Variants in MICU3 observed in about 807,000 individuals in gnomAD.
MICU3 encodes mitochondrial calcium uptake 3.
MICU3 carries 62 observed loss-of-function variants against 66.5 expected under a neutral mutation model. The ratio of observed to expected loss-of-function variants is 0.93; its 90% CI spans 0.76 to 1.15. MICU3 has a LOEUF of 1.15. Among genes scored for constraint, MICU3 ranks in the 50% most tolerant of loss-of-function variants. MICU3 has a pLI of 0.00. For missense variants in MICU3, 779 were observed against 664.4 expected (o/e 1.17, Z -1.90); for synonymous variants, 308 against 240.7 (o/e 1.28, Z -2.59).
intron 1 of MICU3, among the ~76,000 whole-genome samples, chr8:17,033,055 C>A (rs1282147839): frequency 6.6e-6 from 1 of 152,156 alleles, no homozygotes; most frequent in African/African-American, 2.4e-5. Context: ...TCTCGGGCCT[C>A]CCTGTTCCCT....
In MICU3 at chr8:17,119,358, C is replaced by T. The variant is rs773725094; in HGVS notation, c.*583C>T. 9.2e-5 allele frequency among the ~76,000 whole-genome samples: 14 copies of T among 152,016 alleles called. No individual in the cohort carries two copies. The South Asian group carries it at 1.2e-3, about 14-fold the overall frequency. On this transcript the variant is annotated intron_variant, in intron 14 of 14. Transcript: ENST00000318063. ...GTCAAACTTGTTTCTAATCTCCAAGCGAGGAGTTTGTTTTTTTCTTTTTTC... is the reference window on the plus strand; with the variant it reads ...GTCAAACTTGTTTCTAATCTCCAAGTGAGGAGTTTGTTTTTTTCTTTTTTC...
intron 11 of MICU3, among the ~76,000 whole-genome samples, chr8:17,113,368 C>T (rs1802383661): frequency 6.6e-6 from 1 of 152,204 alleles, no homozygotes; most frequent in South Asian, 2.1e-4. Flanking sequence ...CTCTAAGATA[C>T]ATTGTACTTA....
chr8:17,053,196 T>G lies in MICU3; in HGVS notation c.382-10888T>G, dbSNP rs879917966. ...ACGGTTGCTAAAAGGTAAGGTATTA[T>G]GCAGAGTAAGGTATTATGCAGTTTA... On this transcript the variant is annotated intron_variant, in intron 1 of 14. Transcript: ENST00000318063. 2.0e-5 allele frequency among the ~76,000 whole-genome samples: 3 copies of G among 152,170 alleles called. No individual in the cohort carries two copies. In the South Asian group the frequency reaches 6.2e-4, roughly 32 times the overall value.
chr8:17,103,035 A>G (rs892326644), intron 9 of MICU3, among the ~76,000 whole-genome samples: 2 of 152,000 alleles, frequency 1.3e-5, no homozygotes, highest in African/African-American at 4.8e-5. Flanking sequence ...TAAAGTACAG[A>G]TGACCCTACA....
chr8:17,057,541 T>C (rs918543873), intron 1 of MICU3, among the ~76,000 whole-genome samples: 11 of 152,222 alleles, frequency 7.2e-5, no homozygotes, highest in Non-Finnish European at 1.3e-4. Context: ...AGCTATAATT[T>C]ATAATTATTG....
intron 1 of MICU3, among the ~76,000 whole-genome samples, chr8:17,040,777 G>T (rs1392875062): frequency 6.6e-6 from 1 of 152,132 alleles, no homozygotes; most frequent in African/African-American, 2.4e-5. Context: ...GTATCTGCTG[G>T]TTAACTTTCC....
Position 17,027,467 on chromosome 8 carries a change from G to T in MICU3, c.188G>T (p.Arg63Leu). The change falls in exon 1 of 15, where the codon CGC becomes CTC. Residue 63 changes from arginine (R) to leucine (L), a missense_variant. Transcript: ENST00000318063. Reference sequence around the variant, plus strand: ...GAGGCGGCATGGAGGCGGCGGCGGCGCTGGGGGGAGCTGAGCGTGGCGGCG... The same window carrying T: ...GAGGCGGCATGGAGGCGGCGGCGGCTCTGGGGGGAGCTGAGCGTGGCGGCG... ...VAEAAWRRRR[R>L]WGELSVAAAA... is the part of the protein sequence containing the mutation. 1 of 1,291,068 alleles carries T rather than the reference G, an allele frequency of 7.7e-7. No individual in the cohort carries two copies. Among genetic ancestry groups the T allele is most frequent in the Non-Finnish European group, 9.8e-7 (1 of 1,024,310 alleles). 80.0% of individuals were successfully genotyped at this position (1,291,068 alleles called of 1,614,324 possible). A position where few individuals can be genotyped will look rare whatever the true frequency, so the allele number is the denominator to read the frequency against.
At chr8:17,135,223 A>G in the MICU3 span, among the ~76,000 whole-genome samples, 1 of 151,964 alleles carries the variant, frequency 6.6e-6, no homozygotes, top group East Asian at 1.9e-4. Context: ...AGATGGTGAA[A>G]CCCCATCCCT....
intron 10 of MICU3, 22 bp from the exon 11 acceptor site, chr8:17,105,391 C>G: frequency 7.1e-7 from 1 of 1,413,010 alleles, no homozygotes; most frequent in Non-Finnish European, 9.7e-7. Flanking sequence ...CTTTTTCCTT[C>G]TTTATTACAT....
Position 17,030,659 on chromosome 8 carries a change from C to T in MICU3, c.381+2999C>T, listed in dbSNP as rs527543154. Among the ~76,000 whole-genome samples, 7 of 152,340 alleles carry T rather than the reference C, an allele frequency of 4.6e-5. No homozygotes were observed. In the South Asian group the frequency reaches 1.4e-3, roughly 32 times the overall value. ...AGTCTTCTGGAAGCAGGCACAGGTG[C>T]ACATATATGTAACAGCACTTATGTT... On this transcript the variant is annotated intron_variant, in intron 1 of 14. Transcript: ENST00000318063.
chr8:17,064,809 A>G (rs1407397309), intron 2 of MICU3, among the ~76,000 whole-genome samples: 1 of 152,140 alleles, frequency 6.6e-6, no homozygotes, highest in Non-Finnish European at 1.5e-5. Context: ...TATGAAGAAA[A>G]TCTACCTCAC....
intron 11 of MICU3, among the ~76,000 whole-genome samples, chr8:17,112,128 C>T (rs993289912): frequency 1.3e-5 from 2 of 152,152 alleles, no homozygotes; most frequent in African/African-American, 4.8e-5. Context: ...GTCCCTCCCT[C>T]CCTGGACACG....
In MICU3 at chr8:17,077,461, A is replaced by G. The variant is rs17124072; in HGVS notation, c.568-322A>G. 6.7e-3 allele frequency among the ~76,000 whole-genome samples: 1,021 copies of G among 152,298 alleles called. 11 individuals are homozygous for G. Among genetic ancestry groups the G allele is most frequent in the African/African-American group, 0.024 (981 of 41,572 alleles). On this transcript the variant is annotated intron_variant, in intron 3 of 14. Coordinates refer to ENST00000318063, the MANE Select transcript of MICU3 (RefSeq NM_181723.3). ...ATGATTTTCCTAAAACGATTCCTTT[A>G]TAACTGGCTCCAGGACTTAAACTCA...
At chr8:17,128,433 C>T in the MICU3 span, among the ~76,000 whole-genome samples, 2 of 152,098 alleles carry the variant, frequency 1.3e-5, no homozygotes, top group Non-Finnish European at 2.9e-5. Flanking sequence ...GAACTGAATA[C>T]AAAATACAGA....
intron 9 of MICU3, chr8:17,102,583 A>T (rs1801361774): frequency 6.6e-6 from 1 of 152,002 alleles, no homozygotes; most frequent in East Asian, 1.9e-4. Flanking sequence ...TGCCTCTTCA[A>T]CTTAAAGTTC....
intron 1 of MICU3, among the ~76,000 whole-genome samples, chr8:17,050,319 A>G (rs1383854843): frequency 6.6e-6 from 1 of 151,684 alleles, no homozygotes; most frequent in African/African-American, 2.4e-5. Flanking sequence ...TATAATGTAT[A>G]TATTTTATTT....
intron 8 of MICU3, among the ~76,000 whole-genome samples, chr8:17,096,996 T>TGTGTGTGA (rs769070513): frequency 7.1e-6 from 1 of 141,142 alleles, no homozygotes; most frequent in African/African-American, 2.6e-5. Flanking sequence ...TGTGTGTGTG[T>TGTGTGTGA]GATTGTGGAC....
chr8:17,030,912 T>C (rs1483244509), intron 1 of MICU3, among the ~76,000 whole-genome samples: 2 of 152,214 alleles, frequency 1.3e-5, no homozygotes, highest in Non-Finnish European at 2.9e-5. Flanking sequence ...TTTATAAAAA[T>C]TTTATAAATT....
intron 7 of MICU3, among the ~76,000 whole-genome samples, chr8:17,087,841 A>G (rs1799633344): frequency 6.6e-6 from 1 of 152,038 alleles, no homozygotes; most frequent in African/African-American, 2.4e-5. Context: ...CCATTGTGAC[A>G]TATTTCTTTG....
Sources: allele counts gnomAD v4.1 joint callset (sites outside exome capture counted in the v4.1 genomes callset), GRCh38; gene constraint gnomAD v4.1.1; transcripts MANE v1.5; gene names NCBI Gene and HGNC (gene_info 2026-07-23, HGNC 2026-07-21).